Variants in ST3GAL5 observed in about 807,000 individuals in gnomAD.
The protein encoded by ST3GAL5 is ST3 beta-galactoside alpha-2,3-sialyltransferase 5.
In ST3GAL5, 25 loss-of-function variants were observed where a neutral mutation model predicts 46.1. That is an observed-to-expected ratio of 0.54 (90% CI 0.40 to 0.76). The LOEUF is 0.76. ST3GAL5 is among the 30% of genes least tolerant of loss of function. ST3GAL5 has a pLI of 0.00. For missense variants in ST3GAL5, 431 were observed against 521.2 expected (o/e 0.83, Z 1.69); for synonymous variants, 182 against 192.7 (o/e 0.94, Z 0.46).
chr2:85,861,352 T>G, intron 2 of ST3GAL5, 60 bp from the exon 3 acceptor site: 1 of 1,121,568 alleles, frequency 8.9e-7, no homozygotes, highest in Non-Finnish European at 1.4e-6. Flanking sequence ...AGATGCAATG[T>G]GAAACTGAAA....
At chr2:85,886,482 GAAAATTCA>G (rs1422042345) in intron 1 of ST3GAL5, among the ~76,000 whole-genome samples, 4 of 151,952 alleles carry the variant, frequency 2.6e-5, no homozygotes, top group Admixed American at 2.6e-4. Context: ...GTTCAGTCTG[GAAAATTCA>G]TTGAGCAGGA....
At chr2:85,869,749 C>T (rs1244197194) in intron 1 of ST3GAL5, among the ~76,000 whole-genome samples, 1 of 152,204 alleles carries the variant, frequency 6.6e-6, no homozygotes, top group Non-Finnish European at 1.5e-5. Context: ...AACTGGGTTG[C>T]TCCCTTTCTG....
At chr2:85,876,153 TCCACCAAAGCACC>T (rs148776786) in intron 1 of ST3GAL5, among the ~76,000 whole-genome samples, 4,753 of 152,184 alleles carry the variant, frequency 0.031, 263 homozygotes, top group African/African-American at 0.11. Context: ...CTCCAAGAGG[TCCACCAAAGCACC>T]CTGGTGAAGT....
chr2:85,859,293 G>C (rs1684477539), intron 3 of ST3GAL5, among the ~76,000 whole-genome samples: 1 of 152,174 alleles, frequency 6.6e-6, no homozygotes, highest in Non-Finnish European at 1.5e-5. Flanking sequence ...GAAACAAAGG[G>C]AAGAGTTCCC....
upstream of ST3GAL5, chr2:85,888,994 GGCC>G (rs1286288537): frequency 1.6e-5 from 16 of 1,030,146 alleles, no homozygotes; most frequent in East Asian, 3.9e-4. Context: ...TTCAGCTGGG[GGCC>G]GCCGCTCCCC....
In ST3GAL5 at chr2:85,846,531, T is replaced by C. The variant is rs780562492; in HGVS notation, c.695A>G (p.Glu232Gly). 3 of 1,614,064 alleles carry C rather than the reference T, an allele frequency of 1.9e-6. No individual in the cohort carries two copies. The African/African-American group carries it at 4.0e-5, about 22-fold the overall frequency. ...TATAGTAGTTTTATTTCCAACATGT[T>C]CTGAATATCCCTCAACTGGTGCACT... ...LNSAPVEGYSEHVGNKTTIRM... is the reference protein window; with the variant it reads ...LNSAPVEGYSGHVGNKTTIRM... The change falls in exon 5 of 7, where the codon GAA becomes GGA. Residue 232 changes from glutamate (E) to glycine (G), a missense_variant. By Grantham distance (98) the Glu-to-Gly change is moderately conservative (BLOSUM62 -2). Transcript: ENST00000638572.
At chr2:85,844,363 G>A in intron 6 of ST3GAL5, 33 bp downstream of exon 6, 1 of 1,613,930 alleles carries the variant, frequency 6.2e-7, no homozygotes, top group South Asian at 1.1e-5. Context: ...CCTCAAACAG[G>A]GAATGATTAA....
chr2:85,851,675 C>T (rs1161015551), intron 3 of ST3GAL5: 1 of 1,289,418 alleles, frequency 7.8e-7, no homozygotes, highest in South Asian at 1.2e-5. Flanking sequence ...GAAGAAAGTG[C>T]CTCAAGGCGA....
At position 85,847,957 on chromosome 2, in the gene ST3GAL5, G is replaced by A. The variant is rs774583751; in HGVS notation, c.566C>T (p.Ala189Val). 5.6e-6 allele frequency: 9 copies of A among 1,614,040 alleles called. No homozygotes were observed. The highest frequency in any genetic ancestry group is 7.6e-6 in the Non-Finnish European group (9 of 1,180,030). The stretch of plus-strand genomic sequence containing the variant: ...AACCACACAGCGCCGACAGGTCTTG[G>A]CTTTCAAGTGTTCAGGGAGGTCGTG... The part of the protein sequence containing the change: ...PEHDLPEHLK[A>V]KTCRRCVVIG... The change falls in exon 4 of 7, where the codon GCC becomes GTC. Residue 189 changes from alanine to valine, a missense_variant. Transcript: ENST00000638572.
chr2:85,846,285 T>C, intron 5 of ST3GAL5, 92 bp downstream of exon 5: 2 of 1,159,474 alleles, frequency 1.7e-6, no homozygotes, highest in Non-Finnish European at 2.5e-6. Context: ...CATTCCGCTC[T>C]GCGTGTTTAA....
rs1681713714 is a variant in ST3GAL5, at chr2:85,839,136, C to T, written c.*1008G>A. ...CATAGACATAAGCACCCAAATTAAC[C>T]AGACTACGAGAGTTCCTCAAAAGTT... is the stretch of plus-strand genomic sequence containing the variant. On this transcript the variant is annotated 3_prime_UTR_variant, in exon 7 of 7. Coordinates refer to ENST00000638572, the MANE Select transcript of ST3GAL5 (RefSeq NM_003896.4). 1 of 152,216 alleles carries T rather than the reference C, an allele frequency of 6.6e-6. No homozygotes were observed. The highest frequency in any genetic ancestry group is 2.4e-5 in the African/African-American group (1 of 41,468). 9.4% of individuals were successfully genotyped at this position (152,216 alleles called of 1,614,324 possible).
chr2:85,869,696 G>C lies in ST3GAL5; in HGVS notation c.83-6211C>G, dbSNP rs1283519325. On this transcript the variant is annotated intron_variant, in intron 1 of 6. Coordinates refer to ENST00000638572, the MANE Select transcript of ST3GAL5 (RefSeq NM_003896.4). ...CAGATTTATGGAGGTGCAAAATAAAGGATGTCAGCACTCAGCAAGTCCAGT... is the reference window on the plus strand; with the variant it reads ...CAGATTTATGGAGGTGCAAAATAAACGATGTCAGCACTCAGCAAGTCCAGT... Among the ~76,000 whole-genome samples, 3 of 152,202 alleles carry C rather than the reference G, an allele frequency of 2.0e-5. No individual in the cohort carries two copies. In the East Asian group the frequency reaches 5.8e-4, roughly 29 times the overall value.
At chr2:85,857,097 A>AAAAT (rs1558669884) in intron 3 of ST3GAL5, among the ~76,000 whole-genome samples, 1 of 132,290 alleles carries the variant, frequency 7.6e-6, no homozygotes, top group African/African-American at 2.7e-5. Flanking sequence ...AAAAAAAAAA[A>AAAAT]TAGGCACGTA....
At position 85,840,309 on chromosome 2, in the gene ST3GAL5, G is replaced by T; in HGVS notation, c.1092C>A (p.Asp364Glu). Residue 364 changes from aspartate to glutamate, a missense_variant, in exon 7 of 7, where the codon GAC becomes GAA. Transcript: ENST00000638572. The part of the protein sequence containing the change: ...DEVSLAGFGY[D>E]LNQPRTPLHY... ...GCAAAGGTGTTCTGGGTTGATTGAG[G>T]TCATATCCAAAACCCGCCAAACTGA... The T allele has an allele frequency of 6.2e-7, 1 of 1,613,976 alleles. No individual in the cohort carries two copies.
At chr2:85,867,089 G>C (rs1000307828) in intron 1 of ST3GAL5, among the ~76,000 whole-genome samples, 2 of 152,134 alleles carry the variant, frequency 1.3e-5, no homozygotes, top group Non-Finnish European at 2.9e-5. Flanking sequence ...CCAGGAGTTT[G>C]AGACCAGCCT....
intron 1 of ST3GAL5, among the ~76,000 whole-genome samples, chr2:85,869,150 A>G (rs1255150819): frequency 6.6e-6 from 1 of 152,188 alleles, no homozygotes; most frequent in African/African-American, 2.4e-5. Context: ...CCTGGGCTCA[A>G]GCGATACTCC....
At chr2:85,857,611 C>A (rs1684288844) in intron 3 of ST3GAL5, among the ~76,000 whole-genome samples, 1 of 151,254 alleles carries the variant, frequency 6.6e-6, no homozygotes, top group South Asian at 2.1e-4. Context: ...GTTGAGTGTG[C>A]CTAAAATACA....
intron 1 of ST3GAL5, among the ~76,000 whole-genome samples, chr2:85,883,289 A>T (rs1010397060): frequency 1.6e-4 from 24 of 152,126 alleles, no homozygotes; most frequent in Non-Finnish European, 2.9e-4. Flanking sequence ...AATAAGTCTC[A>T]TGAGATCTGA....
chr2:85,867,467 A>C (rs1685407718), intron 1 of ST3GAL5: 2 of 701,042 alleles, frequency 2.9e-6, no homozygotes, highest in Admixed American at 4.2e-5. Context: ...GCATCTACAC[A>C]TGTAGTTACC....
Sources: gnomAD v4.1 joint callset for allele counts (sites outside exome capture counted in the v4.1 genomes callset) on GRCh38, gnomAD v4.1.1 for gene constraint, MANE v1.5 for transcripts, NCBI Gene and HGNC (gene_info 2026-07-23, HGNC 2026-07-21) for gene names.